PXK: variants seen among roughly 807,000 people sequenced by gnomAD.
The protein encoded by PXK is PX domain-containing protein kinase-like protein.
A neutral mutation model predicts 84.7 loss-of-function variants in PXK; 35 were observed. That is an observed-to-expected ratio of 0.41 (90% CI 0.32 to 0.55). The LOEUF (loss-of-function observed/expected upper bound fraction) is 0.55. Ranked by LOEUF, PXK falls within the 20% of genes least tolerant of loss-of-function variation. PXK has a pLI of 0.21. For missense variants in PXK, 634 were observed against 699.7 expected (o/e 0.91, Z 1.06); for synonymous variants, 253 against 260.8 (o/e 0.97, Z 0.29).
chr3:58,412,973 G>T lies in PXK; in HGVS notation c.1528+10G>T. The T allele has an allele frequency of 6.2e-7, 1 of 1,613,904 alleles. No homozygotes were observed. The highest frequency in any genetic ancestry group is 8.5e-7 in the Non-Finnish European group (1 of 1,179,852). ...CCACCCTCTACATCAGGTTAGTGAT[G>T]GAGTAAAGTGACATGCCACCTTCCT... On this transcript the variant is annotated intron_variant, in intron 17 of 17. Transcript: ENST00000356151. The surrounding 1 kb of genome is among the most constrained non-coding windows in gnomAD (Gnocchi z 6.2).
chr3:58,390,790 T>A lies in PXK; in HGVS notation c.466+131T>A. 1 of 787,046 alleles carries A rather than the reference T, an allele frequency of 1.3e-6. No homozygotes were observed. The highest frequency in any genetic ancestry group is 2.0e-5 in the South Asian group (1 of 49,834). 48.8% of individuals were successfully genotyped at this position (787,046 alleles called of 1,614,324 possible). A position where few individuals can be genotyped will look rare whatever the true frequency, so the allele number is the denominator to read the frequency against. ...CTTCTTTTTCTTTTTGCATATCAAC[T>A]GCTTGAGGATACAGCTGGTAACTTT... On this transcript the variant is annotated intron_variant, in intron 5 of 17. Transcript: ENST00000356151. The surrounding 1 kb of genome is among the most constrained non-coding windows in gnomAD (Gnocchi z 4.2).
chr3:58,338,697 T>C (rs1455464261), intron 1 of PXK, among the ~76,000 whole-genome samples: 1 of 151,990 alleles, frequency 6.6e-6, no homozygotes, highest in Non-Finnish European at 1.5e-5. Context: ...TTTCTTTTTT[T>C]TTTTTTTAGC....
intron 1 of PXK, among the ~76,000 whole-genome samples, chr3:58,362,360 T>C (rs1317742772): frequency 6.6e-6 from 1 of 152,234 alleles, no homozygotes; most frequent in African/African-American, 2.4e-5. Flanking sequence ...ATAATTCATT[T>C]TGGTAGTACA....
In PXK at chr3:58,364,314, T is replaced by C. The variant is rs2098237098; in HGVS notation, c.103-1560T>C. Among the ~76,000 whole-genome samples, 1 of 151,942 alleles carries C rather than the reference T, an allele frequency of 6.6e-6. No individual in the cohort carries two copies. On this transcript the variant is annotated intron_variant, in intron 1 of 17. Transcript: ENST00000356151. The surrounding 1 kb of genome is among the most constrained non-coding windows in gnomAD (Gnocchi z 4.3). ...AGAGTTTGTAGAGAATTGGTGTTGA[T>C]TCTTCTTAAGACACTTAGTAGAATT...
chr3:58,393,923 T>C (rs1374272813), intron 7 of PXK, among the ~76,000 whole-genome samples: 1 of 152,250 alleles, frequency 6.6e-6, no homozygotes. Context: ...GGATTTTTAT[T>C]CTACCCATTG....
At position 58,390,215 on chromosome 3, in the gene PXK, A is replaced by G. The variant is rs2098612085; in HGVS notation, c.389-367A>G. Among the ~76,000 whole-genome samples, 1 of 151,998 alleles carries G rather than the reference A, an allele frequency of 6.6e-6. No homozygotes were observed. The highest frequency in any genetic ancestry group is 1.5e-5 in the Non-Finnish European group (1 of 68,006). ...ACAAAACTAAACAAAAGAAGTTGCA[A>G]TGATAGTACAGAAAATTGCCATATA... On this transcript the variant is annotated intron_variant, in intron 4 of 17. Coordinates refer to ENST00000356151, the MANE Select transcript of PXK (RefSeq NM_017771.5). This position sits in a 1 kb window ranked among gnomAD's most constrained non-coding sequence, Gnocchi z 4.2.
At chr3:58,388,980 G>A (rs537483600) in intron 4 of PXK, among the ~76,000 whole-genome samples, 116 of 152,080 alleles carry the variant, frequency 7.6e-4, no homozygotes, top group African/African-American at 2.6e-3. Context: ...CAGGGATCTG[G>A]AATGGCTTCA....
In PXK at chr3:58,400,445, G is replaced by A. The variant is rs1359623891; in HGVS notation, c.1181+1068G>A. On this transcript the variant is annotated intron_variant, in intron 12 of 17. Transcript: ENST00000356151. This position sits in a 1 kb window ranked among gnomAD's most constrained non-coding sequence, Gnocchi z 4.0. ...TTCAGAGAAGGTAGAGATAACTTCC[G>A]GTTCCTGGTTCTTTCTTTCCACAAG... Among the ~76,000 whole-genome samples, 5 of 152,186 alleles carry A rather than the reference G, an allele frequency of 3.3e-5. No homozygotes were observed. Among genetic ancestry groups the A allele is most frequent in the Non-Finnish European group, 2.9e-5 (2 of 68,044 alleles).
At chr3:58,362,284 C>G (rs2098199754) in intron 1 of PXK, among the ~76,000 whole-genome samples, 1 of 152,144 alleles carries the variant, frequency 6.6e-6, no homozygotes, top group East Asian at 1.9e-4. Context: ...AAACCTGGAT[C>G]CCAGATTTTT....
chr3:58,421,180 G>A lies in PXK; in HGVS notation c.1529-3572G>A. ...GGTAAGTCTGGTGTTACCCTAGTGT[G>A]GTCTCATGGCCACTTGGCCTCCCTT... On this transcript the variant is annotated intron_variant, in intron 17 of 17. Transcript: ENST00000356151. The surrounding 1 kb of genome is among the most constrained non-coding windows in gnomAD (Gnocchi z 5.5). 4 of 985,342 alleles carry A rather than the reference G, an allele frequency of 4.1e-6. No homozygotes were observed. Among genetic ancestry groups the A allele is most frequent in the Non-Finnish European group, 4.8e-6 (4 of 829,914 alleles). 61.0% of individuals were successfully genotyped at this position (985,342 alleles called of 1,614,324 possible).
intron 9 of PXK, among the ~76,000 whole-genome samples, chr3:58,396,026 A>G (rs2057603310): frequency 6.6e-6 from 1 of 152,192 alleles, no homozygotes; most frequent in South Asian, 2.1e-4. Context: ...CTTTTATATT[A>G]TCTTTGGTTG....
chr3:58,387,954 G>A (rs2098576175), intron 4 of PXK, among the ~76,000 whole-genome samples: 2 of 152,144 alleles, frequency 1.3e-5, no homozygotes, highest in Non-Finnish European at 2.9e-5. Context: ...ACACACTGTG[G>A]GAGATAAAGC....
intron 1 of PXK, among the ~76,000 whole-genome samples, chr3:58,352,127 G>C (rs1208633706): frequency 6.6e-6 from 1 of 152,214 alleles, no homozygotes; most frequent in Admixed American, 6.5e-5. Context: ...CCCCTGCTGG[G>C]GACTTGTGGC....
At chr3:58,366,382 G>T (rs1182188325) in intron 2 of PXK, among the ~76,000 whole-genome samples, 1 of 152,150 alleles carries the variant, frequency 6.6e-6, no homozygotes, top group Non-Finnish European at 1.5e-5. Flanking sequence ...GTCTCTAGGG[G>T]AGGGTCTTCT....
chr3:58,351,393 A>ATTTTTT (rs201486291), intron 1 of PXK, among the ~76,000 whole-genome samples: 2 of 75,988 alleles, frequency 2.6e-5, no homozygotes, highest in Admixed American at 1.4e-4. Flanking sequence ...ACAGCTAGCT[A>ATTTTTT]TTTGTGTGTG....
In PXK at chr3:58,370,045, G is replaced by C. The variant is rs771574051; in HGVS notation, c.201+567G>C. Among the ~76,000 whole-genome samples the C allele has an allele frequency of 6.6e-6, 1 of 152,156 alleles. No homozygotes were observed. The highest frequency in any genetic ancestry group is 1.9e-4 in the East Asian group (1 of 5,186). On this transcript the variant is annotated intron_variant, in intron 3 of 17. Coordinates refer to ENST00000356151, the MANE Select transcript of PXK (RefSeq NM_017771.5). The surrounding 1 kb of genome is among the most constrained non-coding windows in gnomAD (Gnocchi z 4.2). ...TGTATTCTTACCACAGTCATAGGAG[G>C]CTGACGTAATATCTCCTTTTAACAG... is the stretch of plus-strand genomic sequence containing the variant.
chr3:58,336,057 ATATATATATATATATTTTTTT>A (rs1212704753), intron 1 of PXK, among the ~76,000 whole-genome samples: 23 of 54,696 alleles, frequency 4.2e-4, no homozygotes, highest in Non-Finnish European at 6.0e-4. Context: ...ATATATATAT[ATATATATATATATATTTTTTT>A]TTTTTTTTTT....
chr3:58,341,069 C>T (rs2097721383), intron 1 of PXK, among the ~76,000 whole-genome samples: 1 of 151,610 alleles, frequency 6.6e-6, no homozygotes, highest in Admixed American at 6.6e-5. Flanking sequence ...GTTGACTCCT[C>T]TTCAGAAGAG....
At chr3:58,382,057 T>C (rs528716343) in intron 3 of PXK, among the ~76,000 whole-genome samples, 6 of 152,362 alleles carry the variant, frequency 3.9e-5, no homozygotes, top group Non-Finnish European at 8.8e-5. Context: ...GGCTCATACC[T>C]GTAATCCCAG....
Sources: allele counts gnomAD v4.1 joint callset (sites outside exome capture counted in the v4.1 genomes callset), GRCh38; gene constraint gnomAD v4.1.1; non-coding constraint Gnocchi (gnomAD v3.1); transcripts MANE v1.5; gene names NCBI Gene and HGNC (gene_info 2026-07-23, HGNC 2026-07-21).